Variants in ADAMTSL3 observed in about 807,000 individuals in gnomAD.
ADAMTSL3 encodes ADAMTS like 3, also known as ADAMTS-like protein 3.
ADAMTSL3 carries 128 observed loss-of-function variants against 201.7 expected under a neutral mutation model. The ratio of observed to expected loss-of-function variants is 0.63; its 90% CI spans 0.55 to 0.73. The LOEUF (loss-of-function observed/expected upper bound fraction) is 0.73. Ranked by LOEUF, ADAMTSL3 falls within the 30% of genes least tolerant of loss-of-function variation. ADAMTSL3 has a pLI of 0.00. For synonymous variants in ADAMTSL3, 738 were observed against 748.4 expected (o/e 0.99, Z 0.23); for missense variants, 1,990 against 2,119.6 (o/e 0.94, Z 1.20).
chr15:83,749,005 GC>G (rs1555437671), intron 3 of ADAMTSL3, among the ~76,000 whole-genome samples: 3 of 152,170 alleles, frequency 2.0e-5, no homozygotes, highest in Non-Finnish European at 4.4e-5. Flanking sequence ...AGAGAATGAA[GC>G]AGGATGAGCA....
At chr15:83,733,417 T>C (rs976116148) in intron 3 of ADAMTSL3, among the ~76,000 whole-genome samples, 9 of 152,168 alleles carry the variant, frequency 5.9e-5, no homozygotes, top group Admixed American at 1.3e-4. Flanking sequence ...AATTAGGTAC[T>C]GACCCTGTTG....
intron 7 of ADAMTSL3, among the ~76,000 whole-genome samples, chr15:83,855,856 CA>C (rs2064720394): frequency 6.6e-6 from 1 of 151,846 alleles, no homozygotes; most frequent in South Asian, 2.1e-4. Context: ...ACAAAAAATT[CA>C]AAAATTAGCC....
intron 23 of ADAMTSL3, 57 bp downstream of exon 23, chr15:83,991,271 C>G: frequency 6.2e-7 from 1 of 1,606,534 alleles, no homozygotes; most frequent in Non-Finnish European, 8.5e-7. Context: ...TGTGGCCATC[C>G]CAGTGTTGCC....
At chr15:83,750,626 A>T (rs938914345) in intron 3 of ADAMTSL3, among the ~76,000 whole-genome samples, 6 of 152,024 alleles carry the variant, frequency 3.9e-5, no homozygotes, top group Non-Finnish European at 7.4e-5. Context: ...ATCTCGGCTC[A>T]CTGCAACCTC....
intron 15 of ADAMTSL3, among the ~76,000 whole-genome samples, chr15:83,901,708 T>C (rs924560050): frequency 6.6e-6 from 1 of 152,010 alleles, no homozygotes; most frequent in African/African-American, 2.4e-5. Context: ...AGTCAGTTAA[T>C]ATCTGTAGAC....
At chr15:83,784,383 C>A (rs1244724225) in intron 4 of ADAMTSL3, among the ~76,000 whole-genome samples, 1 of 152,166 alleles carries the variant, frequency 6.6e-6, no homozygotes, top group Non-Finnish European at 1.5e-5. Context: ...CCTTTATGTA[C>A]AGTGAATAGT....
intron 3 of ADAMTSL3, among the ~76,000 whole-genome samples, chr15:83,746,293 G>T (rs944808403): frequency 6.7e-6 from 1 of 149,896 alleles, no homozygotes; most frequent in Non-Finnish European, 1.5e-5. Context: ...ATGTGAACCA[G>T]TTCTGGTCAA....
chr15:83,830,517 C>A (rs2064133990), intron 6 of ADAMTSL3, among the ~76,000 whole-genome samples: 1 of 152,206 alleles, frequency 6.6e-6, no homozygotes, highest in African/African-American at 2.4e-5. Context: ...GCAGTAAGAA[C>A]TGAAATCCAC....
chr15:84,018,811 A>G (rs145850378), intron 25 of ADAMTSL3, among the ~76,000 whole-genome samples: 1 of 152,280 alleles, frequency 6.6e-6, no homozygotes, highest in Non-Finnish European at 1.5e-5. Flanking sequence ...GGAGTCTTAT[A>G]TGGTAGTGAT....
intron 10 of ADAMTSL3, among the ~76,000 whole-genome samples, chr15:83,888,168 G>A (rs1264661668): frequency 6.6e-6 from 1 of 152,200 alleles, no homozygotes. Flanking sequence ...GTGGATGTAA[G>A]AACAGAAGGG....
In ADAMTSL3 at chr15:83,802,206, G is replaced by A. The variant is rs577921290; in HGVS notation, c.318-2444G>A. Among the ~76,000 whole-genome samples, 26 of 152,154 alleles carry A rather than the reference G, an allele frequency of 1.7e-4. 1 individual carries two copies. The South Asian group carries it at 4.1e-3, about 24-fold the overall frequency. On this transcript the variant is annotated intron_variant, in intron 4 of 29. Transcript: ENST00000286744. ...CCAGCCAAGAGTTAAAAACTCATACGTGAAAAATTCATATTATGAAAGGAC... is the reference window on the plus strand; with the variant it reads ...CCAGCCAAGAGTTAAAAACTCATACATGAAAAATTCATATTATGAAAGGAC...
chr15:83,957,619 A>AT (rs1425555180), intron 19 of ADAMTSL3, among the ~76,000 whole-genome samples: 9 of 152,240 alleles, frequency 5.9e-5, no homozygotes, highest in Admixed American at 5.9e-4. Flanking sequence ...AGTGTTTTGT[A>AT]TTTTTGTCCT....
chr15:83,876,448 T>C (rs932550841), intron 9 of ADAMTSL3, among the ~76,000 whole-genome samples: 3 of 151,046 alleles, frequency 2.0e-5, no homozygotes, highest in African/African-American at 7.3e-5. Context: ...TCATTTTTTT[T>C]CTCCATTAAA....
At chr15:83,732,267 T>C (rs558934794) in intron 3 of ADAMTSL3, among the ~76,000 whole-genome samples, 1 of 152,214 alleles carries the variant, frequency 6.6e-6, no homozygotes, top group East Asian at 1.9e-4. Context: ...AGGTACCTTA[T>C]TTCCAGACTG....
chr15:83,804,573 C>CT (rs59422343), intron 4 of ADAMTSL3, 77 bp from the exon 5 acceptor site: 30,791 of 653,780 alleles, frequency 0.047, 168 homozygotes, highest in African/African-American at 0.11. Flanking sequence ...CTTGTATTTG[C>CT]TTTTTTTTTT....
Position 83,833,739 on chromosome 15 carries a change from G to A in ADAMTSL3, c.601-4350G>A, listed in dbSNP as rs1054185489. On this transcript the variant is annotated intron_variant, in intron 6 of 29. Transcript: ENST00000286744. Reference sequence around the variant, plus strand: ...GATTCATGCTTAGATGGCTTAGTACGGGGATTAAAACTCAGATGTCTACAT... The same window carrying A: ...GATTCATGCTTAGATGGCTTAGTACAGGGATTAAAACTCAGATGTCTACAT... Among the ~76,000 whole-genome samples the A allele has an allele frequency of 7.9e-5, 12 of 152,144 alleles. No individual in the cohort carries two copies. The East Asian group carries it at 1.5e-3, about 20-fold the overall frequency.
At chr15:83,940,901 C>T (rs1420959039) in intron 17 of ADAMTSL3, among the ~76,000 whole-genome samples, 3 of 151,856 alleles carry the variant, frequency 2.0e-5, no homozygotes, top group Non-Finnish European at 4.4e-5. Context: ...AGGACTTGAC[C>T]ACAAAACTAG....
intron 5 of ADAMTSL3, among the ~76,000 whole-genome samples, chr15:83,805,574 T>A (rs977212629): frequency 2.2e-4 from 33 of 151,062 alleles, no homozygotes; most frequent in African/African-American, 7.8e-4. Flanking sequence ...AAAAAATAAA[T>A]AAATAAATTG....
chr15:83,676,377 A>G (rs1286021516), intron 2 of ADAMTSL3, among the ~76,000 whole-genome samples: 1 of 152,026 alleles, frequency 6.6e-6, no homozygotes, highest in African/African-American at 2.4e-5. Flanking sequence ...CCAAATTCAT[A>G]TGTTAAAATC....
Sources: allele counts gnomAD v4.1 joint callset (sites outside exome capture counted in the v4.1 genomes callset), GRCh38; gene constraint gnomAD v4.1.1; transcripts MANE v1.5; gene names NCBI Gene and HGNC (gene_info 2026-07-23, HGNC 2026-07-21).